The following PTPN13 variants were observed in gnomAD, a reference collection of about 807,000 sequenced individuals.
The protein encoded by PTPN13 is tyrosine-protein phosphatase non-receptor type 13.
A neutral mutation model predicts 284.0 loss-of-function variants in PTPN13; 191 were observed. The observed-to-expected ratio is 0.67, with a 90% CI of 0.60 to 0.76. PTPN13 has a LOEUF of 0.76. Among genes scored for constraint, PTPN13 ranks in the 30% least tolerant of loss-of-function variants. The pLI is 0.00. For missense variants in PTPN13, 2,797 were observed against 2,939.9 expected (o/e 0.95, Z 1.12); for synonymous variants, 986 against 1,022.3 (o/e 0.96, Z 0.68).
chr4:86,703,717 T>A (rs1731416617), intron 7 of PTPN13, among the ~76,000 whole-genome samples: 1 of 152,042 alleles, frequency 6.6e-6, no homozygotes, highest in Non-Finnish European at 1.5e-5. Context: ...AAAAATTTTT[T>A]AATTATCCAA....
rs1738898973 is a variant in PTPN13 at position 86,763,145 on chromosome 4, T to G, written c.3972T>G (p.Asp1324Glu). The change falls in exon 24 of 48, where the codon GAT becomes GAG. Residue 1324 changes from aspartate (D) to glutamate (E), a missense_variant. By Grantham distance (45) the Asp-to-Glu change is conservative (BLOSUM62 2). Coordinates refer to ENST00000411767, the MANE Select transcript of PTPN13 (RefSeq NM_080683.3). ...DYSDRGDSDM[D>E]EATYSSSQDH... ...CAGACCGTGGAGATTCAGACATGGA[T>G]GAAGCCACTTACTCCAGCAGTCAGG... 6.2e-7 allele frequency: 1 copy of G among 1,613,618 alleles called. No homozygotes were observed.
intron 1 of PTPN13, among the ~76,000 whole-genome samples, chr4:86,630,192 T>G (rs1029179751): frequency 6.6e-6 from 1 of 152,154 alleles, no homozygotes; most frequent in Admixed American, 6.6e-5. Context: ...CATAAACACT[T>G]TAAACTGCAT....
intron 2 of PTPN13, among the ~76,000 whole-genome samples, chr4:86,665,223 A>T (rs896018809): frequency 6.6e-6 from 1 of 152,274 alleles, no homozygotes; most frequent in African/African-American, 2.4e-5. Flanking sequence ...TAGTCATTTT[A>T]AAAAGAGAGA....
At chr4:86,704,580 G>C (rs17012007) in intron 7 of PTPN13, among the ~76,000 whole-genome samples, 6,964 of 152,168 alleles carry the variant, frequency 0.046, 214 homozygotes, top group African/African-American at 0.058. Flanking sequence ...AATTCTTGTA[G>C]AGCCTTATTT....
intron 1 of PTPN13, among the ~76,000 whole-genome samples, chr4:86,612,964 AATGT>A (rs542406889): frequency 1.2e-4 from 18 of 152,310 alleles, no homozygotes; most frequent in African/African-American, 4.3e-4. Flanking sequence ...CATTACCAGA[AATGT>A]TAAAGACAGT....
intron 1 of PTPN13, among the ~76,000 whole-genome samples, chr4:86,613,633 CA>C (rs544971012): frequency 0.072 from 4,399 of 61,482 alleles, 105 homozygotes; most frequent in African/African-American, 0.15. Context: ...GACTCCGTCT[CA>C]AAAAAAAAAA....
At chr4:86,658,801 C>T (rs1344620810) in intron 2 of PTPN13, among the ~76,000 whole-genome samples, 4 of 151,854 alleles carry the variant, frequency 2.6e-5, no homozygotes, top group South Asian at 2.1e-4. Flanking sequence ...GCTTAAGGCA[C>T]AGTCAAAATT....
Position 86,623,620 on chromosome 4 carries a change from T to C in PTPN13, c.-5-11632T>C, listed in dbSNP as rs535495812. Among the ~76,000 whole-genome samples, 3 of 152,328 alleles carry C rather than the reference T, an allele frequency of 2.0e-5. No individual in the cohort carries two copies. The East Asian group carries it at 5.8e-4, about 29-fold the overall frequency. On this transcript the variant is annotated intron_variant, in intron 1 of 47. Transcript: ENST00000411767. ...TTGTGATTTTCAGAATTTTAGACTT[T>C]AGGGATTTTGATCTTTTGAGATTTC... is the stretch of plus-strand genomic sequence containing the variant.
chr4:86,810,443 T>C (rs1044899553), intron 46 of PTPN13, among the ~76,000 whole-genome samples: 1 of 144,308 alleles, frequency 6.9e-6, no homozygotes, highest in African/African-American at 2.6e-5. Context: ...TTCTAAACAA[T>C]TACTCTACAT....
intron 1 of PTPN13, among the ~76,000 whole-genome samples, chr4:86,609,494 T>C (rs1255628239): frequency 6.6e-6 from 1 of 152,198 alleles, no homozygotes; most frequent in Non-Finnish European, 1.5e-5. Flanking sequence ...GACATAATGT[T>C]GCACTAAACT....
chr4:86,636,958 A>C (rs1723094571), intron 2 of PTPN13, among the ~76,000 whole-genome samples: 1 of 151,306 alleles, frequency 6.6e-6, no homozygotes, highest in African/African-American at 2.4e-5. Context: ...AAAAAGAGAG[A>C]AGAATCAAAT....
chr4:86,709,271 C>T (rs527301107), intron 7 of PTPN13, among the ~76,000 whole-genome samples: 1 of 152,200 alleles, frequency 6.6e-6, no homozygotes, highest in East Asian at 1.9e-4. Flanking sequence ...TCTCTCACCT[C>T]CCCAGTTTAG....
At chr4:86,617,653 G>A (rs1178665972) in intron 1 of PTPN13, among the ~76,000 whole-genome samples, 3 of 151,914 alleles carry the variant, frequency 2.0e-5, no homozygotes. Context: ...TCTCATTGTG[G>A]TTTTGATTTG....
At chr4:86,599,200 C>A (rs1764086142) in intron 1 of PTPN13, among the ~76,000 whole-genome samples, 1 of 152,184 alleles carries the variant, frequency 6.6e-6, no homozygotes, top group Non-Finnish European at 1.5e-5. Flanking sequence ...ATGTTCTAGA[C>A]TCTACTAGAA....
chr4:86,601,481 A>G (rs1453759789), intron 1 of PTPN13, among the ~76,000 whole-genome samples: 1 of 152,128 alleles, frequency 6.6e-6, no homozygotes, highest in East Asian at 1.9e-4. Context: ...TGAAAAATTT[A>G]GAATATATTA....
chr4:86,667,659 T>C (rs1727234843), intron 2 of PTPN13, among the ~76,000 whole-genome samples: 1 of 152,234 alleles, frequency 6.6e-6, no homozygotes, highest in African/African-American at 2.4e-5. Flanking sequence ...GAATTCCATA[T>C]TATAGAGGGA....
intron 40 of PTPN13, among the ~76,000 whole-genome samples, chr4:86,787,120 T>C (rs114490345): frequency 0.034 from 5,167 of 151,308 alleles, 156 homozygotes; most frequent in Non-Finnish European, 0.053. Flanking sequence ...AAAAAAGTCA[T>C]GTCACATGCT....
At chr4:86,663,517 T>C (rs1686488170) in intron 2 of PTPN13, among the ~76,000 whole-genome samples, 1 of 152,208 alleles carries the variant, frequency 6.6e-6, no homozygotes, top group African/African-American at 2.4e-5. Context: ...GAAGGTCTTA[T>C]GACCTATTTC....
At chr4:86,644,930 G>A (rs751146643) in intron 2 of PTPN13, among the ~76,000 whole-genome samples, 4 of 152,108 alleles carry the variant, frequency 2.6e-5, no homozygotes, top group African/African-American at 4.8e-5. Context: ...ACTCAACGCC[G>A]GGCTTGGCAG....
Sources: gnomAD v4.1 joint callset for allele counts (sites outside exome capture counted in the v4.1 genomes callset) on GRCh38, gnomAD v4.1.1 for gene constraint, MANE v1.5 for transcripts, NCBI Gene and HGNC (gene_info 2026-07-23, HGNC 2026-07-21) for gene names.